SLC35F1: variants seen among roughly 807,000 people sequenced by gnomAD.
SLC35F1 encodes solute carrier family 35 member F1, also known as chromosome 6 open reading frame 169.
A neutral mutation model predicts 48.7 loss-of-function variants in SLC35F1; 14 were observed. The observed-to-expected ratio is 0.29, with a 90% CI of 0.19 to 0.45. The LOEUF (loss-of-function observed/expected upper bound fraction) is 0.45, where lower values mean the gene tolerates loss of function less well. Among genes scored for constraint, SLC35F1 ranks in the 20% least tolerant of loss-of-function variants. The probability of loss-of-function intolerance (pLI) is 1.00; values close to 1 mark genes in which losing one functional copy is unlikely to be tolerated. For missense variants in SLC35F1, 404 were observed against 500.0 expected, an observed-to-expected ratio of 0.81 and a Z score of 1.83; for synonymous variants, 190 against 202.2, an observed-to-expected ratio of 0.94 and a Z score of 0.51.
intron 2 of SLC35F1, among the ~76,000 whole-genome samples, chr6:118,188,717 T>C (rs1241543641): frequency 6.6e-6 from 1 of 152,212 alleles, no homozygotes; most frequent in Non-Finnish European, 1.5e-5. Flanking sequence ...CTTTATCCTT[T>C]CATTCATTAA....
chr6:118,313,707 G>T (rs915407777), intron 7 of SLC35F1, among the ~76,000 whole-genome samples: 1 of 152,146 alleles, frequency 6.6e-6, no homozygotes, highest in Non-Finnish European at 1.5e-5. Context: ...TGATACTGGA[G>T]ATTTTTTGCT....
chr6:117,953,600 A>G (rs1776390184), intron 1 of SLC35F1, among the ~76,000 whole-genome samples: 1 of 152,076 alleles, frequency 6.6e-6, no homozygotes, highest in Non-Finnish European at 1.5e-5. Context: ...CATGAACAAA[A>G]CCTCACCCAG....
At chr6:118,007,675 GAC>G (rs1259540139) in intron 1 of SLC35F1, among the ~76,000 whole-genome samples, 2 of 152,072 alleles carry the variant, frequency 1.3e-5, no homozygotes, top group Admixed American at 6.5e-5. Flanking sequence ...TGTAACACAT[GAC>G]CACAAATTTG....
At chr6:118,063,154 A>G (rs1384532637) in intron 1 of SLC35F1, among the ~76,000 whole-genome samples, 1 of 152,164 alleles carries the variant, frequency 6.6e-6, no homozygotes, top group Non-Finnish European at 1.5e-5. Context: ...GGTTTATCTT[A>G]TACTTTCCCA....
At chr6:118,260,071 A>G (rs770164441) in intron 3 of SLC35F1, among the ~76,000 whole-genome samples, 2 of 152,206 alleles carry the variant, frequency 1.3e-5, no homozygotes, top group Non-Finnish European at 2.9e-5. Context: ...ATACATGAAC[A>G]ACATGGATGA....
intron 1 of SLC35F1, among the ~76,000 whole-genome samples, chr6:118,148,701 T>A (rs1160138764): frequency 6.6e-6 from 1 of 152,236 alleles, no homozygotes; most frequent in South Asian, 2.1e-4. Flanking sequence ...ATGTTTCTTA[T>A]GTTAGAATGC....
At chr6:117,981,266 G>A (rs928252153) in intron 1 of SLC35F1, among the ~76,000 whole-genome samples, 2 of 152,208 alleles carry the variant, frequency 1.3e-5, no homozygotes, top group Admixed American at 1.3e-4. Flanking sequence ...GAGTCGTGGA[G>A]ATGATGCTGG....
At chr6:118,233,738 T>A (rs1775326658) in intron 2 of SLC35F1, among the ~76,000 whole-genome samples, 2 of 152,088 alleles carry the variant, frequency 1.3e-5, no homozygotes, top group African/African-American at 4.8e-5. Context: ...CATTACCCAG[T>A]TGGGGAAAGG....
chr6:118,251,783 A>T (rs1775578593), intron 3 of SLC35F1, among the ~76,000 whole-genome samples: 1 of 152,134 alleles, frequency 6.6e-6, no homozygotes, highest in Admixed American at 6.5e-5. Flanking sequence ...GTATTTGTTC[A>T]GGGCTCAGCA....
At chr6:118,267,489 C>T (rs938785715) in intron 4 of SLC35F1, among the ~76,000 whole-genome samples, 2 of 152,192 alleles carry the variant, frequency 1.3e-5, no homozygotes, top group African/African-American at 4.8e-5. Context: ...CTGGCCCAAG[C>T]CCTGGTCCTT....
At chr6:118,026,357 A>G (rs527829733) in intron 1 of SLC35F1, among the ~76,000 whole-genome samples, 1 of 152,254 alleles carries the variant, frequency 6.6e-6, no homozygotes, top group East Asian at 1.9e-4. Flanking sequence ...GACTGGAATT[A>G]CTGTTTTCTT....
chr6:118,137,344 C>T (rs1773811784), intron 1 of SLC35F1, among the ~76,000 whole-genome samples: 1 of 152,182 alleles, frequency 6.6e-6, no homozygotes, highest in Admixed American at 6.5e-5. Context: ...TAGAAATAAA[C>T]TTTTCCAAGA....
chr6:118,164,917 A>G (rs1774295705), intron 2 of SLC35F1, among the ~76,000 whole-genome samples: 1 of 152,192 alleles, frequency 6.6e-6, no homozygotes, highest in African/African-American at 2.4e-5. Context: ...TCACTGATAT[A>G]ATTATTATAC....
chr6:118,109,052 T>C (rs1773361655), intron 1 of SLC35F1, among the ~76,000 whole-genome samples: 1 of 152,170 alleles, frequency 6.6e-6, no homozygotes, highest in South Asian at 2.1e-4. Context: ...CAGATTAATT[T>C]AAAATGGAAC....
chr6:117,946,316 C>A (rs1776294350), intron 1 of SLC35F1, among the ~76,000 whole-genome samples: 1 of 152,126 alleles, frequency 6.6e-6, no homozygotes, highest in South Asian at 2.1e-4. Flanking sequence ...ATTATGAAAG[C>A]AATCTGCAAA....
At chr6:117,983,644 GA>G (rs1009449026) in intron 1 of SLC35F1, among the ~76,000 whole-genome samples, 2 of 152,068 alleles carry the variant, frequency 1.3e-5, no homozygotes, top group African/African-American at 2.4e-5. Flanking sequence ...TTTTAGATAG[GA>G]AAAAAAGTTT....
intron 7 of SLC35F1, among the ~76,000 whole-genome samples, chr6:118,296,907 A>G (rs1776193559): frequency 6.6e-6 from 1 of 152,132 alleles, no homozygotes; most frequent in Non-Finnish European, 1.5e-5. Context: ...TTGTCAGCAG[A>G]CCTGTGTGGA....
intron 1 of SLC35F1, among the ~76,000 whole-genome samples, chr6:118,122,061 C>A (rs1272713444): frequency 6.6e-6 from 1 of 151,914 alleles, no homozygotes; most frequent in Non-Finnish European, 1.5e-5. Flanking sequence ...TAAAAATGAA[C>A]TCTAGTTTTA....
intron 7 of SLC35F1, among the ~76,000 whole-genome samples, chr6:118,312,134 G>C (rs549120532): frequency 6.6e-6 from 1 of 152,286 alleles, no homozygotes. Flanking sequence ...ACTATAAAGC[G>C]CTCATTCTTC....
Sources: gnomAD v4.1 joint callset for allele counts (sites outside exome capture counted in the v4.1 genomes callset) on GRCh38, gnomAD v4.1.1 for gene constraint, MANE v1.5 for transcripts, NCBI Gene and HGNC (gene_info 2026-07-23, HGNC 2026-07-21) for gene names.